Variants in UNC5D observed in about 807,000 individuals in gnomAD.
UNC5D encodes netrin receptor UNC5D.
A neutral mutation model predicts 105.4 loss-of-function variants in UNC5D; 39 were observed. The ratio of observed to expected loss-of-function variants is 0.37; its 90% CI spans 0.29 to 0.48. The LOEUF (loss-of-function observed/expected upper bound fraction) is 0.48, where lower values mean the gene tolerates loss of function less well. Ranked by LOEUF, UNC5D falls within the 20% of genes least tolerant of loss-of-function variation. UNC5D has a pLI of 0.98. For synonymous variants in UNC5D, 452 were observed against 450.4 expected (o/e 1.00, Z -0.04); for missense variants, 991 against 1,202.4 (o/e 0.82, Z 2.60).
intron 15 of UNC5D, 146 bp downstream of exon 15, chr8:35,767,212 T>C: frequency 9.4e-7 from 1 of 1,069,278 alleles, no homozygotes; most frequent in Non-Finnish European, 1.3e-6. Flanking sequence ...TGAGGGAAAA[T>C]AAGCTTTGTC....
intron 7 of UNC5D, among the ~76,000 whole-genome samples, chr8:35,691,365 T>C (rs1402586271): frequency 2.0e-5 from 3 of 152,168 alleles, no homozygotes; most frequent in Non-Finnish European, 4.4e-5. Context: ...TGCATGCCTG[T>C]AGTCCCAGCT....
At chr8:35,321,790 T>C (rs929578068) in intron 1 of UNC5D, among the ~76,000 whole-genome samples, 1 of 152,184 alleles carries the variant, frequency 6.6e-6, no homozygotes, top group African/African-American at 2.4e-5. Context: ...TACGGTTTCA[T>C]GTTGCAAGCA....
intron 4 of UNC5D, among the ~76,000 whole-genome samples, chr8:35,676,083 G>A (rs1278602977): frequency 6.6e-6 from 1 of 151,956 alleles, no homozygotes; most frequent in Non-Finnish European, 1.5e-5. Flanking sequence ...GCTGCCTATT[G>A]GTGAGAAAAC....
chr8:35,599,332 G>T (rs1245546439), intron 4 of UNC5D, among the ~76,000 whole-genome samples: 1 of 151,872 alleles, frequency 6.6e-6, no homozygotes, highest in Non-Finnish European at 1.5e-5. Context: ...ACAATGTATT[G>T]TATTCTTTAA....
At chr8:35,587,994 A>ATATAT (rs1563563728) in intron 3 of UNC5D, among the ~76,000 whole-genome samples, 8 of 138,698 alleles carry the variant, frequency 5.8e-5, no homozygotes, top group Admixed American at 1.5e-4. Context: ...ATATATATAT[A>ATATAT]CTAATCCCAC....
chr8:35,560,423 G>A (rs902716882), intron 2 of UNC5D, among the ~76,000 whole-genome samples: 1 of 152,150 alleles, frequency 6.6e-6, no homozygotes, highest in Non-Finnish European at 1.5e-5. Flanking sequence ...GCATATATGT[G>A]TATACACTCA....
chr8:35,734,615 G>A (rs931465506), intron 11 of UNC5D, among the ~76,000 whole-genome samples: 18 of 151,996 alleles, frequency 1.2e-4, no homozygotes, highest in African/African-American at 4.3e-4. Flanking sequence ...TCTCTATGTT[G>A]GTCAGGCTGG....
At chr8:35,647,654 C>T (rs1051280368) in intron 4 of UNC5D, among the ~76,000 whole-genome samples, 1 of 152,106 alleles carries the variant, frequency 6.6e-6, no homozygotes, top group Non-Finnish European at 1.5e-5. Flanking sequence ...TAGCAGATAA[C>T]ACAAAAATAC....
rs189062659 is a variant in UNC5D at position 35,388,590 on chromosome 8, C to T, written c.103+152703C>T. 5.3e-5 allele frequency among the ~76,000 whole-genome samples: 8 copies of T among 152,196 alleles called. 1 individual carries two copies. In the South Asian group the frequency reaches 6.2e-4, roughly 12 times the overall value. Reference sequence around the variant, plus strand: ...AAGGGTTATATGGTCAAACAGATCACGGGCAAGTACATAGTATGGTTGTAG... The same window carrying T: ...AAGGGTTATATGGTCAAACAGATCATGGGCAAGTACATAGTATGGTTGTAG... On this transcript the variant is annotated intron_variant, in intron 1 of 16. Transcript: ENST00000404895.
chr8:35,491,156 C>A (rs1811193443), intron 1 of UNC5D, among the ~76,000 whole-genome samples: 1 of 152,012 alleles, frequency 6.6e-6, no homozygotes, highest in African/African-American at 2.4e-5. Context: ...GTAATTGGGG[C>A]TGCTGAGTGA....
chr8:35,730,862 T>G, intron 10 of UNC5D, 150 bp from the exon 11 acceptor site: 1 of 632,150 alleles, frequency 1.6e-6, no homozygotes, highest in Middle Eastern at 3.5e-4. Flanking sequence ...CCTGTTATAA[T>G]CTTGAACCTT....
chr8:35,622,753 C>T (rs955659057), intron 4 of UNC5D, among the ~76,000 whole-genome samples: 1 of 152,142 alleles, frequency 6.6e-6, no homozygotes, highest in Non-Finnish European at 1.5e-5. Flanking sequence ...TGTTTATTCT[C>T]ACCTTGTAAT....
chr8:35,766,210 G>A (rs887010760), intron 14 of UNC5D, among the ~76,000 whole-genome samples: 2 of 151,980 alleles, frequency 1.3e-5, no homozygotes, highest in African/African-American at 4.8e-5. Flanking sequence ...ACAGTGTGTG[G>A]TAATTAGCAG....
intron 4 of UNC5D, among the ~76,000 whole-genome samples, chr8:35,620,509 T>G (rs1243287092): frequency 6.6e-6 from 1 of 152,160 alleles, no homozygotes; most frequent in Non-Finnish European, 1.5e-5. Flanking sequence ...TCTCCTCACA[T>G]CAGACCCTTA....
Position 35,694,199 on chromosome 8 carries a change from T to C in UNC5D, c.1084+7490T>C, listed in dbSNP as rs1051788105. On this transcript the variant is annotated intron_variant, in intron 7 of 16. Transcript: ENST00000404895. ...ACAAAGACAACTTTTACAGATGATA[T>C]CCCCGAGAAACACTGAACTGGGGAC... Among the ~76,000 whole-genome samples, 3 of 152,042 alleles carry C rather than the reference T, an allele frequency of 2.0e-5. No individual in the cohort carries two copies. In the South Asian group the frequency reaches 6.2e-4, roughly 32 times the overall value.
At chr8:35,749,617 A>G (rs1830168559) in intron 12 of UNC5D, among the ~76,000 whole-genome samples, 1 of 152,188 alleles carries the variant, frequency 6.6e-6, no homozygotes, top group African/African-American at 2.4e-5. Context: ...GCATTCTGCT[A>G]TTTAGTGCGT....
intron 14 of UNC5D, among the ~76,000 whole-genome samples, chr8:35,762,967 C>A (rs538420376): frequency 6.6e-6 from 1 of 152,256 alleles, no homozygotes; most frequent in East Asian, 1.9e-4. Context: ...TTCCGGAATT[C>A]TTTAAACACC....
At chr8:35,403,747 A>G (rs1022740674) in intron 1 of UNC5D, among the ~76,000 whole-genome samples, 5 of 152,174 alleles carry the variant, frequency 3.3e-5, no homozygotes. Context: ...CGCTCACAAT[A>G]AGAAAATTCT....
chr8:35,389,522 C>T (rs927052900), intron 1 of UNC5D, among the ~76,000 whole-genome samples: 2 of 151,892 alleles, frequency 1.3e-5, no homozygotes, highest in Admixed American at 1.3e-4. Context: ...ATCCTGATGC[C>T]CCCTGTTGAA....
Sources: gnomAD v4.1 joint callset for allele counts (sites outside exome capture counted in the v4.1 genomes callset) on GRCh38, gnomAD v4.1.1 for gene constraint, MANE v1.5 for transcripts, NCBI Gene and HGNC (gene_info 2026-07-23, HGNC 2026-07-21) for gene names.